UGT2A1: variants seen among roughly 807,000 people sequenced by gnomAD.
UGT2A1 encodes the protein UDP glucuronosyltransferase family 2 member A1 complex locus.
In UGT2A1, 61 loss-of-function variants were observed where a neutral mutation model predicts 45.4. The ratio of observed to expected loss-of-function variants is 1.34; its 90% CI spans 1.09 to 1.66. The LOEUF (loss-of-function observed/expected upper bound fraction) is 1.66, where lower values mean the gene tolerates loss of function less well. UGT2A1 is among the 40% of genes most tolerant of loss of function. The probability of loss-of-function intolerance (pLI) is 0.00; values close to 1 mark genes in which losing one functional copy is unlikely to be tolerated. For missense variants in UGT2A1, 649 were observed against 574.3 expected, an observed-to-expected ratio of 1.13 and a Z score of -1.33; for synonymous variants, 229 against 196.2, an observed-to-expected ratio of 1.17 and a Z score of -1.40.
chr4:69,618,221 T>TTGTGTGTGTGTGTGTGTGTG (rs112693693), intron 3 of UGT2A1, among the ~76,000 whole-genome samples: 2 of 144,638 alleles, frequency 1.4e-5, no homozygotes, highest in East Asian at 2.0e-4. Flanking sequence ...GTGTGTATGT[T>TTGTGTGTGTGTGTGTGTGTG]TGTGTGTGTG....
intron 3 of UGT2A1, among the ~76,000 whole-genome samples, chr4:69,629,902 T>C (rs1365885891): frequency 1.3e-5 from 2 of 152,146 alleles, no homozygotes; most frequent in African/African-American, 4.8e-5. Flanking sequence ...TAAGAAGTTA[T>C]GAATATTTTG....
intron 4 of UGT2A1, among the ~76,000 whole-genome samples, chr4:69,595,520 G>A (rs868330444): frequency 1.3e-5 from 2 of 152,108 alleles, no homozygotes; most frequent in African/African-American, 4.8e-5. Context: ...GAAATAGAAC[G>A]TAAACAGTAC....
At chr4:69,620,687 A>C (rs1720699667) in intron 3 of UGT2A1, among the ~76,000 whole-genome samples, 1 of 151,642 alleles carries the variant, frequency 6.6e-6, no homozygotes, top group Admixed American at 6.6e-5. Context: ...AAGCCAAGGC[A>C]ATGCTAAACA....
At chr4:69,652,096 G>A (rs1245818002) in intron 1 of UGT2A1, among the ~76,000 whole-genome samples, 1 of 152,026 alleles carries the variant, frequency 6.6e-6, no homozygotes, top group Non-Finnish European at 1.5e-5. Context: ...ATGCCCCCCA[G>A]TCAAATTCTT....
intron 1 of UGT2A1, among the ~76,000 whole-genome samples, chr4:69,649,403 T>C (rs1722417678): frequency 2.6e-5 from 4 of 152,104 alleles, no homozygotes. Flanking sequence ...AAAATAATTG[T>C]CATGATTCAC....
chr4:69,636,755 T>A (rs73824184), intron 2 of UGT2A1, among the ~76,000 whole-genome samples: 16,610 of 152,132 alleles, frequency 0.11, 933 homozygotes, highest in South Asian at 0.21. Context: ...GTAAATAACA[T>A]TTAATATAAG....
At chr4:69,648,079 GT>G (rs1722362628) in intron 1 of UGT2A1, among the ~76,000 whole-genome samples, 1 of 151,528 alleles carries the variant, frequency 6.6e-6, no homozygotes, top group Non-Finnish European at 1.5e-5. Context: ...AATGCTGTAA[GT>G]TTTTAAATTT....
intron 2 of UGT2A1, among the ~76,000 whole-genome samples, chr4:69,641,403 T>C (rs1004976397): frequency 2.7e-4 from 41 of 151,970 alleles, no homozygotes; most frequent in African/African-American, 9.4e-4. Flanking sequence ...TCTTTTCCAC[T>C]GAAGACATGC....
At chr4:69,651,732 C>A (rs753627652) in intron 1 of UGT2A1, among the ~76,000 whole-genome samples, 1 of 152,124 alleles carries the variant, frequency 6.6e-6, no homozygotes, top group Non-Finnish European at 1.5e-5. Context: ...CAGAGAGGAG[C>A]GACTGCCTGG....
intron 4 of UGT2A1, among the ~76,000 whole-genome samples, chr4:69,596,575 C>T (rs983557417): frequency 2.6e-5 from 4 of 152,140 alleles, no homozygotes; most frequent in Admixed American, 6.6e-5. Flanking sequence ...CAGGCTGGAG[C>T]GCAGTGGCAT....
intron 2 of UGT2A1, among the ~76,000 whole-genome samples, chr4:69,646,117 T>A (rs1178693141): frequency 1.3e-5 from 2 of 151,830 alleles, no homozygotes; most frequent in African/African-American, 4.8e-5. Context: ...AATGTCTGAT[T>A]TATCTGTTTG....
chr4:69,593,560 T>TTA (rs1491519972), intron 6 of UGT2A1, among the ~76,000 whole-genome samples: 1 of 128,182 alleles, frequency 7.8e-6, no homozygotes, highest in African/African-American at 2.5e-5. Context: ...ATATATAGAC[T>TTA]TATATATATA....
intron 3 of UGT2A1, among the ~76,000 whole-genome samples, chr4:69,632,481 A>G (rs927367870): frequency 6.6e-6 from 1 of 152,218 alleles, no homozygotes; most frequent in African/African-American, 2.4e-5. Context: ...CCAAAAGAGC[A>G]TAATCTCACG....
chr4:69,635,833 A>AG lies in UGT2A1; in HGVS notation c.716-12_716-11insC, dbSNP rs1721662560. The AG allele has an allele frequency of 7.2e-6, 1 of 139,682 alleles. No individual in the cohort carries two copies. The highest frequency in any genetic ancestry group is 1.5e-5 in the Non-Finnish European group (1 of 66,368). 8.7% of individuals were successfully genotyped at this position (139,682 alleles called of 1,614,324 possible). On this transcript the variant is annotated splice_polypyrimidine_tract_variant and intron_variant, in intron 2 of 6. Transcript: ENST00000286604. ...AGAGTAAGAGTCCACCTCACCAAAA[A>AG]AAAAAAAAAAAAAAAAAGAGAGAGA...
At chr4:69,644,607 C>T (rs530407448) in intron 2 of UGT2A1, among the ~76,000 whole-genome samples, 1 of 151,730 alleles carries the variant, frequency 6.6e-6, no homozygotes, top group East Asian at 1.9e-4. Flanking sequence ...GTTTCCCATT[C>T]ACTTTTATCT....
chr4:69,637,568 TC>T (rs1721782037), intron 2 of UGT2A1, among the ~76,000 whole-genome samples: 2 of 152,120 alleles, frequency 1.3e-5, no homozygotes, highest in Admixed American at 1.3e-4. Flanking sequence ...TTCCCTCAGG[TC>T]TTTGGCCTGA....
intron 3 of UGT2A1, among the ~76,000 whole-genome samples, chr4:69,612,398 A>G (rs1720117035): frequency 6.6e-6 from 1 of 152,058 alleles, no homozygotes; most frequent in African/African-American, 2.4e-5. Flanking sequence ...GATAAAAACT[A>G]TTCTAAAATT....
intron 6 of UGT2A1, among the ~76,000 whole-genome samples, chr4:69,591,230 T>G (rs1393340137): frequency 6.6e-6 from 1 of 152,140 alleles, no homozygotes; most frequent in African/African-American, 2.4e-5. Flanking sequence ...AAGTCCTGAG[T>G]ATATGTGCCC....
chr4:69,647,374 C>T lies in UGT2A1; in HGVS notation c.271G>A (p.Val91Ile), dbSNP rs371823593. The T allele has an allele frequency of 2.0e-4, 321 of 1,613,122 alleles. No homozygotes were observed. Among genetic ancestry groups the T allele is most frequent in the Middle Eastern group, 4.9e-4 (3 of 6,078 alleles). ...GGTCTATTTTCCAGCCATGTCAAAACGAAGTCCTTAATTACTCCTTCTATT... is the reference window on the plus strand; with the variant it reads ...GGTCTATTTTCCAGCCATGTCAAAATGAAGTCCTTAATTACTCCTTCTATT... ...ERIEGVIKDF[V>I]LTWLENRPSP... Residue 91 changes from valine (V) to isoleucine (I), a missense_variant, in exon 2 of 7, where the codon GTT becomes ATT. Transcript: ENST00000286604.
Sources: gnomAD v4.1 joint callset for allele counts (sites outside exome capture counted in the v4.1 genomes callset) on GRCh38, gnomAD v4.1.1 for gene constraint, MANE v1.5 for transcripts, NCBI Gene and HGNC (gene_info 2026-07-23, HGNC 2026-07-21) for gene names.